NEK9: variants seen among roughly 807,000 people sequenced by gnomAD.
NEK9 encodes NIMA related kinase 9, also known as serine/threonine-protein kinase Nek9.
In NEK9, 75 loss-of-function variants were observed where a neutral mutation model predicts 123.4. The ratio of observed to expected loss-of-function variants is 0.61; its 90% confidence interval spans 0.50 to 0.74. The LOEUF is 0.74. Ranked by LOEUF, NEK9 falls within the 30% of genes least tolerant of loss-of-function variation. The pLI, the probability that NEK9 is intolerant of heterozygous loss-of-function variation, is 0.00. For missense variants in NEK9, 952 were observed against 1,214.4 expected, an observed-to-expected ratio of 0.78 and a Z score of 3.21; for synonymous variants, 438 against 458.7, an observed-to-expected ratio of 0.95 and a Z score of 0.58.
At chr14:75,121,071 A>G (rs1267266203) in intron 3 of NEK9, 48 bp downstream of exon 3, 1 of 1,448,714 alleles carries the variant, frequency 6.9e-7, no homozygotes, top group Non-Finnish European at 9.7e-7. Context: ...AGAATGCAAG[A>G]ATTACAACAC....
chr14:75,084,299 G>C lies in NEK9; in HGVS notation c.*265C>G. On this transcript the variant is annotated 3_prime_UTR_variant, in exon 22 of 22. Transcript: ENST00000238616. ...AGGTGGGATCAACAGATGAGGTACA[G>C]AGCTGCTGTTGCTATGGCAGTCACT... is the stretch of plus-strand genomic sequence containing the variant. 1 of 439,246 alleles carries C rather than the reference G, an allele frequency of 2.3e-6. No individual in the cohort carries two copies. The highest frequency in any genetic ancestry group is 4.2e-6 in the Non-Finnish European group (1 of 237,406). 27.2% of individuals were successfully genotyped at this position (439,246 alleles called of 1,614,324 possible). A position where few individuals can be genotyped will look rare whatever the true frequency, so the allele number is the denominator to read the frequency against.
In NEK9 at chr14:75,121,147, C is replaced by T. The variant is rs374669078; in HGVS notation, c.425G>A (p.Arg142His). Residue 142 changes from arginine (R) to histidine (H), a missense_variant, in exon 3 of 22, where the codon CGT (arginine) becomes CAT (histidine). Around this residue, in one of 4 missense-constraint regions of NEK9, gnomAD observed 106 missense variants for 153.0 expected, o/e 0.69. Transcript: ENST00000238616. Reference sequence around the variant, plus strand: ...TTCCTCAAACAACTTGTCCTTCTGACGAAGGATTTTGTCATACAGGTTCCC... The same window carrying T: ...TTCCTCAAACAACTTGTCCTTCTGATGAAGGATTTTGTCATACAGGTTCCC... ...NGGNLYDKIL[R>H]QKDKLFEEEM... 106 of 1,613,260 alleles carry T rather than the reference C, an allele frequency of 6.6e-5. No individual in the cohort carries two copies. Among genetic ancestry groups the T allele is most frequent in the Middle Eastern group, 1.6e-4 (1 of 6,082 alleles).
At chr14:75,096,829 C>CA (rs35432461) in intron 17 of NEK9, 120,375 of 272,750 alleles carry the variant, frequency 0.44, 25,581 homozygotes, top group East Asian at 0.74. Context: ...AAAAAAAAGA[C>CA]AAAAAAAAAC....
At chr14:75,106,299 CA>C (rs1894770152) in intron 12 of NEK9, 11 of 540,770 alleles carry the variant, frequency 2.0e-5, no homozygotes, top group Non-Finnish European at 3.5e-5. Context: ...GTGGTGGTTG[CA>C]ATGAGCCCAG....
intron 21 of NEK9, chr14:75,085,140 G>A (rs1893981511): frequency 6.2e-6 from 1 of 161,170 alleles, no homozygotes. Context: ...CTGAATAACT[G>A]GGACTATAGG....
At chr14:75,094,746 C>A (rs1894325941) in intron 18 of NEK9, among the ~76,000 whole-genome samples, 1 of 152,140 alleles carries the variant, frequency 6.6e-6, no homozygotes, top group African/African-American at 2.4e-5. Flanking sequence ...CGCCATTGCA[C>A]TCCAGCCTGG....
At chr14:75,097,013 T>G in intron 17 of NEK9, 87 bp downstream of exon 17, 1 of 1,328,820 alleles carries the variant, frequency 7.5e-7, no homozygotes, top group Non-Finnish European at 1.0e-6. Flanking sequence ...AGGACATTTC[T>G]GTTTCCAACA....
chr14:75,125,969 C>G (rs1895510373), intron 1 of NEK9, among the ~76,000 whole-genome samples: 1 of 152,168 alleles, frequency 6.6e-6, no homozygotes, highest in Non-Finnish European at 1.5e-5. Context: ...ATTCCGTGAT[C>G]CATGGATCTC....
At chr14:75,090,021 G>A (rs1356294750) in intron 19 of NEK9, among the ~76,000 whole-genome samples, 1 of 151,738 alleles carries the variant, frequency 6.6e-6, no homozygotes, top group Non-Finnish European at 1.5e-5. Flanking sequence ...TAGTAGAGAT[G>A]GGGTTTCACC....
At chr14:75,124,731 C>T (rs1895460326) in intron 1 of NEK9, among the ~76,000 whole-genome samples, 1 of 151,532 alleles carries the variant, frequency 6.6e-6, no homozygotes, top group Admixed American at 6.6e-5. Context: ...TCTATAATCT[C>T]CTCTCATACT....
chr14:75,098,895 AT>A (rs1321318260), intron 16 of NEK9, among the ~76,000 whole-genome samples: 3 of 152,174 alleles, frequency 2.0e-5, no homozygotes, highest in African/African-American at 7.2e-5. Context: ...GCTGCACTAA[AT>A]TTATCTTCAG....
chr14:75,091,136 G>A, intron 19 of NEK9, 134 bp downstream of exon 19: 1 of 638,600 alleles, frequency 1.6e-6, no homozygotes, highest in Admixed American at 3.5e-5. Context: ...TTTCCAGGTA[G>A]AAATCAGAAG....
chr14:75,113,295 A>G (rs1400094067), intron 8 of NEK9, 44 bp downstream of exon 8: 13 of 1,478,380 alleles, frequency 8.8e-6, no homozygotes, highest in South Asian at 1.1e-5. Context: ...TCTAAAAGTC[A>G]ACTATCTCAG....
intron 19 of NEK9, 34 bp from the exon 20 acceptor site, chr14:75,088,675 T>C: frequency 6.3e-7 from 1 of 1,591,472 alleles, no homozygotes; most frequent in Non-Finnish European, 8.6e-7. Context: ...ATTAGTCTGT[T>C]TGCAGTATTT....
chr14:75,101,966 A>G (rs1048088969), intron 14 of NEK9, among the ~76,000 whole-genome samples: 15 of 152,270 alleles, frequency 9.9e-5, no homozygotes, highest in African/African-American at 3.6e-4. Context: ...AATGCAGCAC[A>G]TGAGGCAGAA....
At chr14:75,120,278 T>C (rs1026416461) in intron 4 of NEK9, among the ~76,000 whole-genome samples, 2 of 152,220 alleles carry the variant, frequency 1.3e-5, no homozygotes, top group African/African-American at 4.8e-5. Context: ...TTTTTGTCTG[T>C]AAAATGACTT....
intron 6 of NEK9, among the ~76,000 whole-genome samples, chr14:75,115,471 T>C (rs1047270026): frequency 6.6e-6 from 1 of 152,202 alleles, no homozygotes; most frequent in African/African-American, 2.4e-5. Flanking sequence ...TTAGATGATA[T>C]ACTAGAACAA....
chr14:75,127,148 C>T (rs999590457), upstream of NEK9: 6 of 473,336 alleles, frequency 1.3e-5, no homozygotes, highest in East Asian at 3.6e-5. Flanking sequence ...GCGGCCAAGG[C>T]TTCCCGCTTT....
At position 75,081,643 on chromosome 14, in the gene NEK9, T is replaced by A. The variant is rs1218999061; in HGVS notation, c.*2921A>T. ...TGAACATATGGCAAGTGAAATGAAA[T>A]TTTTTAGTGTACTTTTGCTTTAAAC... On this transcript the variant is annotated 3_prime_UTR_variant, in exon 22 of 22. Transcript: ENST00000238616. This position sits in a 1 kb window ranked among gnomAD's most constrained non-coding sequence, Gnocchi z 4.2. The A allele has an allele frequency of 2.0e-5, 3 of 152,230 alleles. No homozygotes were observed. Among genetic ancestry groups the A allele is most frequent in the Admixed American group, 6.5e-5 (1 of 15,284 alleles). The allele number at this position is 152,230 out of a possible 1,614,324, so 9.4% of individuals were successfully genotyped here.
Sources: allele counts gnomAD v4.1 joint callset (sites outside exome capture counted in the v4.1 genomes callset), GRCh38; gene constraint gnomAD v4.1.1; regional missense constraint gnomAD v4.1.1; non-coding constraint Gnocchi (gnomAD v3.1); transcripts MANE v1.5; gene names NCBI Gene and HGNC (gene_info 2026-07-23, HGNC 2026-07-21).